ZFHX3: variants seen among roughly 807,000 people sequenced by gnomAD.
ZFHX3 encodes zinc finger homeobox protein 3.
ZFHX3 carries 42 observed loss-of-function variants against 279.1 expected under a neutral mutation model. The ratio of observed to expected loss-of-function variants is 0.15; its 90% confidence interval spans 0.12 to 0.19. The LOEUF is 0.19. Among genes scored for constraint, ZFHX3 ranks in the 10% least tolerant of loss-of-function variants. The probability of loss-of-function intolerance (pLI) is 1.00; values close to 1 mark genes in which losing one functional copy is unlikely to be tolerated. For missense variants in ZFHX3, 4,981 were observed against 4,754.0 expected (o/e 1.05, Z -1.40); for synonymous variants, 2,293 against 1,957.8 (o/e 1.17, Z -4.52).
chr16:73,231,812 T>A (rs1231659421), intron 5 of ZFHX3, among the ~76,000 whole-genome samples: 1 of 152,204 alleles, frequency 6.6e-6, no homozygotes, highest in Non-Finnish European at 1.5e-5. Context: ...TTTGCATATT[T>A]CTTCTGGAGC....
At chr16:73,612,947 A>G (rs996906283) in intron 2 of ZFHX3, among the ~76,000 whole-genome samples, 4 of 152,154 alleles carry the variant, frequency 2.6e-5, no homozygotes, top group Non-Finnish European at 5.9e-5. Flanking sequence ...AGATGAGGGC[A>G]TATTTCAATG....
intron 5 of ZFHX3, among the ~76,000 whole-genome samples, chr16:73,146,683 G>C (rs1420569814): frequency 6.6e-6 from 1 of 151,054 alleles, no homozygotes; most frequent in Non-Finnish European, 1.5e-5. Context: ...ATTATTTTTT[G>C]AGACAGTGTT....
At chr16:73,614,638 T>A (rs1404536879) in intron 2 of ZFHX3, among the ~76,000 whole-genome samples, 2 of 152,190 alleles carry the variant, frequency 1.3e-5, no homozygotes, top group African/African-American at 4.8e-5. Flanking sequence ...TTTGCTGGAA[T>A]CTGGAACCTT....
In ZFHX3 at chr16:72,812,044, A is replaced by C. The variant is rs752607231; in HGVS notation, c.3530-6T>G. On this transcript the variant is annotated splice_region_variant and splice_polypyrimidine_tract_variant and intron_variant, in intron 5 of 9. Transcript: ENST00000268489. Reference sequence around the variant, plus strand: ...CTCTGCTTGGCTGGACGATGCTAAAAGAGAAAGTAGAAGATGCAATACAGC... The same window carrying C: ...CTCTGCTTGGCTGGACGATGCTAAACGAGAAAGTAGAAGATGCAATACAGC... 1 of 1,613,908 alleles carries C rather than the reference A, an allele frequency of 6.2e-7. No homozygotes were observed. Among genetic ancestry groups the C allele is most frequent in the Non-Finnish European group, 8.5e-7 (1 of 1,179,888 alleles).
chr16:73,058,150 G>A (rs915746495), intron 1 of ZFHX3, among the ~76,000 whole-genome samples: 1 of 145,318 alleles, frequency 6.9e-6, no homozygotes, highest in Non-Finnish European at 1.5e-5. Flanking sequence ...TCGCCGCGCG[G>A]GCCTCGCCCC....
intron 4 of ZFHX3, among the ~76,000 whole-genome samples, chr16:73,273,693 T>C (rs897769925): frequency 6.6e-6 from 1 of 151,562 alleles, no homozygotes; most frequent in African/African-American, 2.4e-5. Flanking sequence ...TATTCCATAC[T>C]TTTTTTTTAA....
At chr16:73,252,095 C>G (rs1438772503) in intron 5 of ZFHX3, among the ~76,000 whole-genome samples, 1 of 152,092 alleles carries the variant, frequency 6.6e-6, no homozygotes, top group African/African-American at 2.4e-5. Flanking sequence ...ACAAAAACAT[C>G]CAGAAAAAAT....
At chr16:73,121,291 A>G (rs2144808620) in intron 7 of ZFHX3, among the ~76,000 whole-genome samples, 1 of 152,364 alleles carries the variant, frequency 6.6e-6, no homozygotes, top group South Asian at 2.1e-4. Flanking sequence ...AAAAGAATGT[A>G]TAATATCTCA....
chr16:73,419,122 G>C (rs11643660), intron 3 of ZFHX3, among the ~76,000 whole-genome samples: 1 of 152,234 alleles, frequency 6.6e-6, no homozygotes, highest in African/African-American at 2.4e-5. Context: ...TGTAAACGTA[G>C]GCTTTCCACT....
At chr16:73,705,851 A>G (rs758560926) in intron 1 of ZFHX3, among the ~76,000 whole-genome samples, 12 of 152,162 alleles carry the variant, frequency 7.9e-5, no homozygotes, top group Admixed American at 1.3e-4. Flanking sequence ...TTATGGCCCT[A>G]TACATTCAGC....
At chr16:73,070,936 GCGCACACA>G (rs1426164832) in intron 8 of ZFHX3, among the ~76,000 whole-genome samples, 144 of 9,970 alleles carry the variant, frequency 0.014, 2 homozygotes, top group East Asian at 0.039. Flanking sequence ...GCGCGCGCGC[GCGCACACA>G]CACACACACA....
chr16:73,780,484 C>G (rs1275443334), intron 1 of ZFHX3, among the ~76,000 whole-genome samples: 7 of 151,038 alleles, frequency 4.6e-5, no homozygotes, highest in Non-Finnish European at 5.9e-5. Context: ...ACTCTGCCAC[C>G]CAGGCTGGAG....
intron 5 of ZFHX3, among the ~76,000 whole-genome samples, chr16:73,179,088 C>A (rs1967731491): frequency 6.6e-6 from 1 of 152,170 alleles, no homozygotes; most frequent in African/African-American, 2.4e-5. Flanking sequence ...CATCTACTGA[C>A]CTTGTGGATA....
At chr16:73,546,135 G>A (rs2020104322) in intron 2 of ZFHX3, among the ~76,000 whole-genome samples, 1 of 152,040 alleles carries the variant, frequency 6.6e-6, no homozygotes, top group South Asian at 2.1e-4. Flanking sequence ...ATGTACTTAT[G>A]GTACATTGAA....
chr16:73,543,114 A>C (rs754181869), intron 2 of ZFHX3, among the ~76,000 whole-genome samples: 2 of 152,166 alleles, frequency 1.3e-5, no homozygotes, highest in Non-Finnish European at 2.9e-5. Flanking sequence ...TATGTTTTTC[A>C]ACACGGCTCT....
chr16:73,566,298 C>A (rs1347982230), intron 2 of ZFHX3, among the ~76,000 whole-genome samples: 1 of 152,236 alleles, frequency 6.6e-6, no homozygotes, highest in African/African-American at 2.4e-5. Flanking sequence ...AAAATACCCA[C>A]AATGGGTGGT....
intron 4 of ZFHX3, among the ~76,000 whole-genome samples, chr16:73,274,202 T>G (rs2014232282): frequency 6.6e-6 from 1 of 152,228 alleles, no homozygotes; most frequent in South Asian, 2.1e-4. Flanking sequence ...TGCACAAATT[T>G]GTATTCCTGT....
At chr16:72,835,896 C>T (rs934472495) in intron 4 of ZFHX3, among the ~76,000 whole-genome samples, 1 of 152,188 alleles carries the variant, frequency 6.6e-6, no homozygotes, top group African/African-American at 2.4e-5. Context: ...TGGGAAACCT[C>T]TACTGGCTGC....
intron 3 of ZFHX3, among the ~76,000 whole-genome samples, chr16:73,380,264 T>C (rs1000344661): frequency 2.0e-5 from 3 of 152,184 alleles, no homozygotes; most frequent in Non-Finnish European, 4.4e-5. Flanking sequence ...TACAAGATTT[T>C]AATGAAAATA....
Sources: allele counts gnomAD v4.1 joint callset (sites outside exome capture counted in the v4.1 genomes callset), GRCh38; gene constraint gnomAD v4.1.1; transcripts MANE v1.5; gene names NCBI Gene and HGNC (gene_info 2026-07-23, HGNC 2026-07-21).